Variants in SYNDIG1 observed in about 807,000 individuals in gnomAD.
The protein encoded by SYNDIG1 is synapse differentiation inducing 1.
Under a neutral mutation model 19.4 loss-of-function variants are expected in SYNDIG1, and 9 were observed. The observed-to-expected ratio is 0.46, with a 90% CI of 0.28 to 0.81. The LOEUF is 0.81. SYNDIG1 is among the 30% of genes least tolerant of loss of function. The pLI is 0.12. For missense variants in SYNDIG1, 311 were observed against 343.3 expected (o/e 0.91, Z 0.74); for synonymous variants, 141 against 145.9 (o/e 0.97, Z 0.24).
At chr20:24,585,056 G>GGGCCGC in intron 3 of SYNDIG1, 63 bp downstream of exon 3, 3 of 545,660 alleles carry the variant, frequency 5.5e-6, no homozygotes, top group Non-Finnish European at 1.0e-5. Flanking sequence ...GGTGGGGGCG[G>GGGCCGC]CAATCCCAGC....
rs1389094652 is a variant in SYNDIG1, at chr20:24,665,907, A to ACAT, written c.*406_*408dup. 1 of 192,382 alleles carries ACAT rather than the reference A, an allele frequency of 5.2e-6. No homozygotes were observed. The highest frequency in any genetic ancestry group is 2.4e-5 in the African/African-American group (1 of 41,962). The allele number at this position is 192,382 out of a possible 1,614,324, so 11.9% of individuals were successfully genotyped here. Reference sequence around the variant, plus strand: ...GTGCAATAGGCAGAGGACAAGGGACACATCACTCTTCTGTCTGTGGCCCTG... The same window carrying ACAT: ...GTGCAATAGGCAGAGGACAAGGGACACATCATCACTCTTCTGTCTGTGGCCCTG... On this transcript the variant is annotated 3_prime_UTR_variant, in exon 4 of 4. Coordinates refer to ENST00000376862, the MANE Select transcript of SYNDIG1 (RefSeq NM_024893.3).
intron 3 of SYNDIG1, among the ~76,000 whole-genome samples, chr20:24,656,434 C>A (rs79670634): frequency 0.021 from 3,161 of 152,242 alleles, 88 homozygotes; most frequent in African/African-American, 0.067. Flanking sequence ...GCATGCTGGA[C>A]CCCGTGGTGC....
intron 2 of SYNDIG1, among the ~76,000 whole-genome samples, chr20:24,547,339 C>T (rs187020103): frequency 1.6e-4 from 25 of 152,334 alleles, no homozygotes; most frequent in South Asian, 6.2e-4. Flanking sequence ...GCATGTGGAG[C>T]GTTCAGTTTG....
At chr20:24,654,516 T>C (rs1313113832) in intron 3 of SYNDIG1, among the ~76,000 whole-genome samples, 1 of 151,246 alleles carries the variant, frequency 6.6e-6, no homozygotes, top group Non-Finnish European at 1.5e-5. Context: ...TGGAGAACGA[T>C]TGAGGAAATG....
At chr20:24,570,200 C>G (rs1392203327) in intron 2 of SYNDIG1, among the ~76,000 whole-genome samples, 1 of 152,112 alleles carries the variant, frequency 6.6e-6, no homozygotes, top group African/African-American at 2.4e-5. Context: ...AGCTATAAAG[C>G]TTTTAGAAGA....
intron 2 of SYNDIG1, among the ~76,000 whole-genome samples, chr20:24,552,930 T>A (rs2146808676): frequency 6.6e-6 from 1 of 152,276 alleles, no homozygotes; most frequent in African/African-American, 2.4e-5. Flanking sequence ...CCACCAACAG[T>A]GTAAAAGTGT....
intron 3 of SYNDIG1, among the ~76,000 whole-genome samples, chr20:24,590,417 G>A (rs1317337343): frequency 6.6e-6 from 1 of 152,134 alleles, no homozygotes; most frequent in Non-Finnish European, 1.5e-5. Context: ...AGAAGCCTCG[G>A]GGGTTTGAGC....
chr20:24,498,414 C>A (rs541836670), intron 1 of SYNDIG1, among the ~76,000 whole-genome samples: 2 of 152,128 alleles, frequency 1.3e-5, no homozygotes, highest in African/African-American at 2.4e-5. Flanking sequence ...TAAATTTCTA[C>A]GTTAGCCATA....
chr20:24,627,119 ACCGTG>A (rs548659870), intron 3 of SYNDIG1, among the ~76,000 whole-genome samples: 11 of 103,740 alleles, frequency 1.1e-4, no homozygotes, highest in Admixed American at 2.5e-4. Context: ...GGAGAGGGGG[ACCGTG>A]GGGAGAGGGA....
At chr20:24,564,848 G>A (rs1354456242) in intron 2 of SYNDIG1, among the ~76,000 whole-genome samples, 1 of 152,224 alleles carries the variant, frequency 6.6e-6, no homozygotes, top group Non-Finnish European at 1.5e-5. Flanking sequence ...AGCTGCTGCT[G>A]TGCTGTCCTG....
chr20:24,470,506 T>A (rs2055399855), intron 1 of SYNDIG1, among the ~76,000 whole-genome samples: 1 of 151,972 alleles, frequency 6.6e-6, no homozygotes, highest in South Asian at 2.1e-4. Context: ...AGCGAGCACA[T>A]ACGCTTTTTT....
intron 1 of SYNDIG1, among the ~76,000 whole-genome samples, chr20:24,496,786 C>T (rs1299233754): frequency 6.6e-6 from 1 of 152,116 alleles, no homozygotes; most frequent in Non-Finnish European, 1.5e-5. Flanking sequence ...CACAATATAC[C>T]CAGAGCTGGG....
intron 1 of SYNDIG1, among the ~76,000 whole-genome samples, chr20:24,527,602 A>G (rs190598630): frequency 1.9e-3 from 274 of 147,696 alleles, no homozygotes; most frequent in Non-Finnish European, 3.6e-3. Flanking sequence ...GTGCATGATG[A>G]TCTTTCTCAG....
At chr20:24,639,174 TC>T (rs1357283641) in intron 3 of SYNDIG1, among the ~76,000 whole-genome samples, 1 of 152,134 alleles carries the variant, frequency 6.6e-6, no homozygotes, top group African/African-American at 2.4e-5. Context: ...TATGAAATGC[TC>T]CCAGAGTGAG....
At chr20:24,649,863 G>A (rs1358168356) in intron 3 of SYNDIG1, among the ~76,000 whole-genome samples, 1 of 152,178 alleles carries the variant, frequency 6.6e-6, no homozygotes, top group East Asian at 1.9e-4. Flanking sequence ...ACCAGTGACA[G>A]TACCAAATGT....
intron 3 of SYNDIG1, among the ~76,000 whole-genome samples, chr20:24,628,209 C>G (rs1223848104): frequency 6.6e-6 from 1 of 152,178 alleles, no homozygotes; most frequent in East Asian, 1.9e-4. Flanking sequence ...TGCCAGGAAG[C>G]AGGTCGAAAG....
chr20:24,548,174 T>A (rs2057625475), intron 2 of SYNDIG1, among the ~76,000 whole-genome samples: 1 of 152,218 alleles, frequency 6.6e-6, no homozygotes. Context: ...GTTTCCAAGA[T>A]CACACACGTG....
chr20:24,532,946 A>G (rs2057290602), intron 1 of SYNDIG1, among the ~76,000 whole-genome samples: 1 of 152,144 alleles, frequency 6.6e-6, no homozygotes, highest in East Asian at 1.9e-4. Context: ...TTGCTGGAGC[A>G]GTCATTTTCT....
rs575271549 is a variant in SYNDIG1, at chr20:24,605,731, A to C, written c.618+20738A>C. Among the ~76,000 whole-genome samples the C allele has an allele frequency of 3.9e-5, 6 of 152,234 alleles. No individual in the cohort carries two copies. The East Asian group carries it at 9.6e-4, about 24-fold the overall frequency. On this transcript the variant is annotated intron_variant, in intron 3 of 3. Transcript: ENST00000376862. ...CTGATAGGTGATACATTGTCTTGGT[A>C]ATTAGCATCTTGATTTTGTGATTAT...
Sources: allele counts gnomAD v4.1 joint callset (sites outside exome capture counted in the v4.1 genomes callset), GRCh38; gene constraint gnomAD v4.1.1; transcripts MANE v1.5; gene names NCBI Gene and HGNC (gene_info 2026-07-23, HGNC 2026-07-21).